ZNF600: variants seen among roughly 807,000 people sequenced by gnomAD.
ZNF600 encodes the protein zinc finger protein KR-ZNF1.
Under a neutral mutation model 7.3 loss-of-function variants are expected in ZNF600, and 4 were observed. The ratio of observed to expected loss-of-function variants is 0.55; its 90% CI spans 0.27 to 1.25. The LOEUF (loss-of-function observed/expected upper bound fraction) is 1.25, where lower values mean the gene tolerates loss of function less well. ZNF600 is among the 50% of genes most tolerant of loss of function. The pLI, the probability that ZNF600 is intolerant of heterozygous loss-of-function variation, is 0.12. For missense variants in ZNF600, 911 were observed against 922.1 expected, an observed-to-expected ratio of 0.99 and a Z score of 0.16; for synonymous variants, 290 against 308.9, an observed-to-expected ratio of 0.94 and a Z score of 0.64.
At chr19:52,813,089 A>G in the ZNF600 span, among the ~76,000 whole-genome samples, 1 of 152,018 alleles carries the variant, frequency 6.6e-6, no homozygotes, top group Non-Finnish European at 1.5e-5. Context: ...CAGTTGTGGT[A>G]ATCTTGGTTA....
intron 1 of ZNF600, among the ~76,000 whole-genome samples, chr19:52,782,637 G>A (rs1468768595): frequency 2.6e-5 from 4 of 152,150 alleles, no homozygotes; most frequent in Non-Finnish European, 5.9e-5. Flanking sequence ...ACTTCGGGAG[G>A]CCGAGGCGGG....
chr19:52,825,150 A>T, the ZNF600 span, among the ~76,000 whole-genome samples: 1 of 152,086 alleles, frequency 6.6e-6, no homozygotes, highest in South Asian at 2.1e-4. Flanking sequence ...TAGAAGAAGC[A>T]ATCAGTTTCT....
exon 4 of ZNF600, chr19:52,766,661 C>T (rs749104587): frequency 1.9e-6 from 3 of 1,614,142 alleles, no homozygotes; most frequent in East Asian, 4.5e-5. Flanking sequence ...GACTGAAGGT[C>T]TTGCCACACT....
At chr19:52,779,005 A>C in intron 1 of ZNF600, 98 bp from the exon 4 acceptor site, 1 of 1,123,032 alleles carries the variant, frequency 8.9e-7, no homozygotes, top group Non-Finnish European at 1.2e-6. Flanking sequence ...CAGCAGAAAG[A>C]AGTCCCCCAC....
chr19:52,802,683 A>T, the ZNF600 span, among the ~76,000 whole-genome samples: 161 of 152,308 alleles, frequency 1.1e-3, 1 homozygote, highest in African/African-American at 3.6e-3. Flanking sequence ...TCTCAAAAAA[A>T]GGAAAATGTT....
chr19:52,820,615 G>A, the ZNF600 span, among the ~76,000 whole-genome samples: 2 of 152,004 alleles, frequency 1.3e-5, no homozygotes, highest in South Asian at 2.1e-4. Flanking sequence ...CTTGCCACCA[G>A]CACCACTCTG....
intron 1 of ZNF600, among the ~76,000 whole-genome samples, chr19:52,784,578 T>A (rs183901060): frequency 2.6e-5 from 4 of 152,214 alleles, no homozygotes; most frequent in Non-Finnish European, 5.9e-5. Flanking sequence ...CCAAAATTTA[T>A]AGAATGTACA....
At chr19:52,832,290 C>T in the ZNF600 span, among the ~76,000 whole-genome samples, 5 of 152,032 alleles carry the variant, frequency 3.3e-5, no homozygotes, top group Non-Finnish European at 5.9e-5. Flanking sequence ...CATTCCTTTC[C>T]GAGTCATTAA....
the ZNF600 span, among the ~76,000 whole-genome samples, chr19:52,822,364 G>A: frequency 6.6e-6 from 1 of 152,162 alleles, no homozygotes; most frequent in South Asian, 2.1e-4. Context: ...GAGCCACTGT[G>A]CCTGGCCCAG....
At chr19:52,818,536 A>C in the ZNF600 span, among the ~76,000 whole-genome samples, 157 of 122,438 alleles carry the variant, frequency 1.3e-3, no homozygotes, top group African/African-American at 4.6e-3. Flanking sequence ...AACATGGTGA[A>C]ACCCTGTCTC....
the ZNF600 span, among the ~76,000 whole-genome samples, chr19:52,819,360 C>G: frequency 3.7e-3 from 537 of 145,118 alleles, 74 homozygotes; most frequent in African/African-American, 0.014. Context: ...GATGGTCTCT[C>G]TTTCTGAGTC....
intron 1 of ZNF600, among the ~76,000 whole-genome samples, chr19:52,784,258 T>C (rs1378326087): frequency 6.6e-6 from 1 of 151,880 alleles, no homozygotes; most frequent in East Asian, 1.9e-4. Flanking sequence ...AAAAAACAAC[T>C]AGCTGGGCTT....
chr19:52,800,341 T>C, the ZNF600 span: 7 of 1,614,088 alleles, frequency 4.3e-6, no homozygotes, highest in Non-Finnish European at 5.9e-6. Flanking sequence ...CGGAAAGCCT[T>C]GTCACAAACC....
At chr19:52,779,188 T>C (rs965793395) in intron 1 of ZNF600, among the ~76,000 whole-genome samples, 13 of 152,182 alleles carry the variant, frequency 8.5e-5, no homozygotes, top group African/African-American at 2.7e-4. Flanking sequence ...AAACCCATCC[T>C]TCATCAATCC....
chr19:52,785,659 TTC>T (rs2062757480), intron 1 of ZNF600, among the ~76,000 whole-genome samples: 2 of 152,178 alleles, frequency 1.3e-5, no homozygotes, highest in African/African-American at 4.8e-5. Context: ...CCCTATTAAA[TTC>T]TCTCTTCCCT....
the ZNF600 span, among the ~76,000 whole-genome samples, chr19:52,811,867 C>T: frequency 2.9e-5 from 4 of 139,980 alleles, no homozygotes; most frequent in African/African-American, 8.3e-5. Context: ...CCCGGCCAGC[C>T]GCCCCGTCCG....
chr19:52,793,045 C>A, the ZNF600 span, among the ~76,000 whole-genome samples: 1 of 150,826 alleles, frequency 6.6e-6, no homozygotes, highest in African/African-American at 2.4e-5. Context: ...CCGGCCCAAT[C>A]CTCTTAAACA....
chr19:52,828,150 C>G, the ZNF600 span, among the ~76,000 whole-genome samples: 2 of 151,984 alleles, frequency 1.3e-5, no homozygotes, highest in African/African-American at 4.8e-5. Context: ...CTCCTGAGTT[C>G]CAGCAATTCT....
the ZNF600 span, chr19:52,808,037 G>A: frequency 6.2e-7 from 1 of 1,613,578 alleles, no homozygotes; most frequent in East Asian, 2.2e-5. Context: ...TAATTCTCCA[G>A]CATCACATCC....
Sources: allele counts gnomAD v4.1 joint callset (sites outside exome capture counted in the v4.1 genomes callset), GRCh38; gene constraint gnomAD v4.1.1; transcripts MANE v1.5; gene names NCBI Gene and HGNC (gene_info 2026-07-23, HGNC 2026-07-21).